The following CHCHD6 variants were observed in gnomAD, a reference collection of about 807,000 sequenced individuals.
CHCHD6 encodes coiled-coil-helix-coiled-coil-helix domain containing 6.
In CHCHD6, 28 loss-of-function variants were observed where a neutral mutation model predicts 32.3. The observed-to-expected ratio is 0.87, with a 90% confidence interval of 0.64 to 1.19. The LOEUF is 1.19. Among genes scored for constraint, CHCHD6 ranks in the 50% most tolerant of loss-of-function variants. The pLI is 0.00. For missense variants in CHCHD6, 333 were observed against 307.0 expected (o/e 1.08, Z -0.63); for synonymous variants, 122 against 117.5 (o/e 1.04, Z -0.25).
intron 1 of CHCHD6, among the ~76,000 whole-genome samples, chr3:126,722,968 A>G (rs1189762116): frequency 6.6e-6 from 1 of 151,926 alleles, no homozygotes; most frequent in African/African-American, 2.4e-5. Flanking sequence ...TCTGTTTTGT[A>G]TTAATTCTTG....
At chr3:126,783,404 C>T (rs1938046116) in intron 4 of CHCHD6, among the ~76,000 whole-genome samples, 1 of 152,184 alleles carries the variant, frequency 6.6e-6, no homozygotes, top group African/African-American at 2.4e-5. Context: ...CAAGGGTGCC[C>T]ACTCTTGCCA....
At chr3:126,825,708 C>T (rs1481391387) in intron 4 of CHCHD6, among the ~76,000 whole-genome samples, 1 of 152,118 alleles carries the variant, frequency 6.6e-6, no homozygotes, top group Non-Finnish European at 1.5e-5. Context: ...AACTTTACTA[C>T]TTTAACTTTC....
At chr3:126,711,672 C>A (rs748261288) in intron 1 of CHCHD6, among the ~76,000 whole-genome samples, 2 of 152,162 alleles carry the variant, frequency 1.3e-5, no homozygotes, top group Non-Finnish European at 2.9e-5. Context: ...CATCTCCATG[C>A]GCCCATTTAG....
chr3:126,840,809 G>C (rs1188281253), intron 4 of CHCHD6, among the ~76,000 whole-genome samples: 1 of 152,054 alleles, frequency 6.6e-6, no homozygotes, highest in Non-Finnish European at 1.5e-5. Flanking sequence ...TCTTGAAATA[G>C]AGATTATATT....
chr3:126,873,473 A>C (rs546817324), intron 5 of CHCHD6, among the ~76,000 whole-genome samples: 22 of 152,208 alleles, frequency 1.4e-4, no homozygotes, highest in Non-Finnish European at 2.8e-4. Flanking sequence ...AAATACTCCA[A>C]GTGCATGAGT....
chr3:126,827,667 A>G (rs1200140378), intron 4 of CHCHD6, among the ~76,000 whole-genome samples: 2 of 152,190 alleles, frequency 1.3e-5, no homozygotes, highest in East Asian at 3.9e-4. Context: ...ATCTTTCACC[A>G]TGTGCCAATC....
intron 4 of CHCHD6, among the ~76,000 whole-genome samples, chr3:126,804,893 A>C (rs1939283971): frequency 6.6e-6 from 1 of 152,166 alleles, no homozygotes; most frequent in Non-Finnish European, 1.5e-5. Flanking sequence ...AGGCTGGTTC[A>C]ATATACGCAA....
chr3:126,721,252 T>A lies in CHCHD6; in HGVS notation c.88-5826T>A, dbSNP rs527375925. On this transcript the variant is annotated intron_variant, in intron 1 of 7. Coordinates refer to ENST00000290913, the MANE Select transcript of CHCHD6 (RefSeq NM_032343.3). ...CCTTTGCCTGACTTCCAAGCTTCCTTCTGTGCTGGCTTCATCCAAGTCCTT... is the reference window on the plus strand; with the variant it reads ...CCTTTGCCTGACTTCCAAGCTTCCTACTGTGCTGGCTTCATCCAAGTCCTT... 8.5e-5 allele frequency among the ~76,000 whole-genome samples: 13 copies of A among 152,206 alleles called. No individual in the cohort carries two copies. The South Asian group carries it at 2.7e-3, about 32-fold the overall frequency.
intron 4 of CHCHD6, among the ~76,000 whole-genome samples, chr3:126,802,118 A>G (rs1939108637): frequency 6.6e-6 from 1 of 152,304 alleles, no homozygotes. Context: ...TGGGGAAAAA[A>G]CAGAGCAGAA....
At chr3:126,802,669 A>G (rs1474855171) in intron 4 of CHCHD6, among the ~76,000 whole-genome samples, 2 of 152,248 alleles carry the variant, frequency 1.3e-5, no homozygotes, top group Non-Finnish European at 2.9e-5. Flanking sequence ...AGCTTCCCCA[A>G]TCTAGCCATG....
intron 7 of CHCHD6, 61 bp from the exon 8 acceptor site, chr3:126,960,135 C>T (rs570123081): frequency 5.4e-5 from 83 of 1,549,606 alleles, no homozygotes; most frequent in African/African-American, 1.1e-4. Context: ...GCGATCTGCA[C>T]GGAGCTGGAG....
intron 5 of CHCHD6, among the ~76,000 whole-genome samples, chr3:126,913,592 A>G (rs2078127088): frequency 6.6e-6 from 1 of 151,850 alleles, no homozygotes; most frequent in Non-Finnish European, 1.5e-5. Flanking sequence ...TACCTTCCTC[A>G]CCCGCACTGG....
rs558024339 is a variant in CHCHD6, at chr3:126,931,497, G to C, written c.566+16747G>C. Among the ~76,000 whole-genome samples, 3 of 152,150 alleles carry C rather than the reference G, an allele frequency of 2.0e-5. No homozygotes were observed. In the East Asian group the frequency reaches 5.8e-4, roughly 30 times the overall value. On this transcript the variant is annotated intron_variant, in intron 6 of 7. Coordinates refer to ENST00000290913, the MANE Select transcript of CHCHD6 (RefSeq NM_032343.3). The stretch of plus-strand genomic sequence containing the variant: ...TGTTATGGCCCTGTTTACACGGTCT[G>C]TGCTCCTCACAGTGTGGCCCTGCGA...
intron 4 of CHCHD6, among the ~76,000 whole-genome samples, chr3:126,762,285 A>T (rs960131612): frequency 5.9e-5 from 9 of 152,106 alleles, no homozygotes; most frequent in Non-Finnish European, 1.5e-5. Flanking sequence ...TATGCTGTAA[A>T]TTTCCCCTTG....
chr3:126,722,827 A>G (rs993880557), intron 1 of CHCHD6, among the ~76,000 whole-genome samples: 1 of 152,020 alleles, frequency 6.6e-6, no homozygotes, highest in Admixed American at 6.6e-5. Flanking sequence ...TTATTTATTT[A>G]TTTCTTTCAT....
intron 4 of CHCHD6, 25 bp from the exon 5 acceptor site, chr3:126,852,622 G>T (rs376918186): frequency 6.3e-7 from 1 of 1,595,362 alleles, no homozygotes; most frequent in South Asian, 1.1e-5. Flanking sequence ...GCTGGCTAAC[G>T]TGGGCTTTGT....
chr3:126,732,603 G>A (rs1935860710), intron 3 of CHCHD6, among the ~76,000 whole-genome samples: 2 of 152,296 alleles, frequency 1.3e-5, no homozygotes, highest in Admixed American at 6.5e-5. Context: ...GAGCATCTCA[G>A]CACTAATAAC....
At chr3:126,912,429 C>G (rs1411488635) in intron 5 of CHCHD6, among the ~76,000 whole-genome samples, 1 of 151,952 alleles carries the variant, frequency 6.6e-6, no homozygotes, top group African/African-American at 2.4e-5. Context: ...ACACTGGAGC[C>G]CCCTTGCTGG....
At chr3:126,750,712 C>A (rs1339054318) in intron 4 of CHCHD6, among the ~76,000 whole-genome samples, 2 of 152,254 alleles carry the variant, frequency 1.3e-5, no homozygotes, top group Non-Finnish European at 1.5e-5. Flanking sequence ...AGCAGACCCA[C>A]CTAGCTTTAA....
Sources: allele counts gnomAD v4.1 joint callset (sites outside exome capture counted in the v4.1 genomes callset), GRCh38; gene constraint gnomAD v4.1.1; transcripts MANE v1.5; gene names NCBI Gene and HGNC (gene_info 2026-07-23, HGNC 2026-07-21).